ZNF717: variants seen among roughly 807,000 people sequenced by gnomAD.
ZNF717 encodes zinc finger protein 717.
In ZNF717, 9 loss-of-function variants were observed where a neutral mutation model predicts 13.8. The ratio of observed to expected loss-of-function variants is 0.65; its 90% confidence interval spans 0.39 to 1.14. The LOEUF (loss-of-function observed/expected upper bound fraction) is 1.14, where lower values mean the gene tolerates loss of function less well. Among genes scored for constraint, ZNF717 ranks in the 50% most tolerant of loss-of-function variants. ZNF717 has a pLI of 0.01. For missense variants in ZNF717, 1,040 were observed against 1,080.7 expected (o/e 0.96, Z 0.53); for synonymous variants, 327 against 364.1 (o/e 0.90, Z 1.16).
chr3:75,740,524 C>G (rs1485424439), intron 4 of ZNF717, among the ~76,000 whole-genome samples: 1 of 151,948 alleles, frequency 6.6e-6, no homozygotes, highest in South Asian at 2.1e-4. Context: ...CTCAGCCTCC[C>G]AAGTATAAAA....
At position 75,741,259 on chromosome 3, in the gene ZNF717, G is replaced by A. The variant is rs4601600; in HGVS notation, c.277+17C>T. The A allele has an allele frequency of 0.016, 13,609 of 862,014 alleles. No individual in the cohort carries two copies. The highest frequency in any genetic ancestry group is 0.032 in the Admixed American group (826 of 26,150). 53.4% of individuals were successfully genotyped at this position (862,014 alleles called of 1,614,324 possible). On this transcript the variant is annotated intron_variant, in intron 4 of 4. Coordinates refer to ENST00000652011, the MANE Select transcript of ZNF717 (RefSeq NM_001290208.3). ...ATTACTCCTCCAGGCCTCCCTGCCT[G>A]GTATTCACTGACTGACCTGAAAGTC...
At chr3:75,754,306 CA>C (rs148910973) in intron 2 of ZNF717, among the ~76,000 whole-genome samples, 24,653 of 151,828 alleles carry the variant, frequency 0.16, 1,708 homozygotes, top group African/African-American at 0.17. Context: ...GTGGGTACTT[CA>C]TGCCTGGAAT....
chr3:75,772,409 G>A (rs545105322), intron 2 of ZNF717, among the ~76,000 whole-genome samples: 1 of 152,274 alleles, frequency 6.6e-6, no homozygotes, highest in East Asian at 1.9e-4. Context: ...AAGGAGAGAA[G>A]AGCTGTGGCC....
chr3:75,704,882 C>T (rs1937772271), downstream of ZNF717, among the ~76,000 whole-genome samples: 1 of 152,308 alleles, frequency 6.6e-6, no homozygotes, highest in Non-Finnish European at 1.5e-5. Context: ...GTCTTGGAAC[C>T]TAGTATTTTT....
At position 75,737,846 on chromosome 3, in the gene ZNF717, A is replaced by G; in HGVS notation, c.1777T>C (p.Cys593Arg). 6.4e-7 allele frequency: 1 copy of G among 1,551,556 alleles called. No individual in the cohort carries two copies. The highest frequency in any genetic ancestry group is 8.7e-7 in the Non-Finnish European group (1 of 1,147,144). The change falls in exon 5 of 5, where the codon TGT (cysteine) becomes CGT (arginine). Residue 593 changes from cysteine to arginine, a missense_variant. Around this residue, in one of 3 missense-constraint regions of ZNF717, gnomAD observed 873 missense variants for 832.8 expected, o/e 1.05. Coordinates refer to ENST00000652011, the MANE Select transcript of ZNF717 (RefSeq NM_001290208.3). ...ATAAAGGTTTTCTCACATTCATTAC[A>G]TTCATAGGGTTTTTTGCCAGCATGA... Reference protein sequence around the residue: ...RTHAGKKPYECNECEKTFINK... With the variant: ...RTHAGKKPYERNECEKTFINK...
At chr3:75,715,875 T>C (rs78656142) in intron 5 of ZNF717, among the ~76,000 whole-genome samples, 4 of 152,160 alleles carry the variant, frequency 2.6e-5, no homozygotes, top group African/African-American at 9.6e-5. Flanking sequence ...TCCCAGCAAG[T>C]TAAAAATATG....
At position 75,736,856 on chromosome 3, in the gene ZNF717, C is replaced by T. The variant is rs79144452; in HGVS notation, c.*22G>A. ...GCATGGAGAAATCTGTAATAGTAGC[C>T]AGAGAGGTGTAGGTTGTGTGTTCAA... On this transcript the variant is annotated 3_prime_UTR_variant, in exon 5 of 5. Coordinates refer to ENST00000652011, the MANE Select transcript of ZNF717 (RefSeq NM_001290208.3). 4 of 1,520,754 alleles carry T rather than the reference C, an allele frequency of 2.6e-6. No individual in the cohort carries two copies. The highest frequency in any genetic ancestry group is 1.4e-5 in the African/African-American group (1 of 72,006). The allele number at this position is 1,520,754 out of a possible 1,614,324, so 94.2% of individuals were successfully genotyped here.
downstream of ZNF717, among the ~76,000 whole-genome samples, chr3:75,704,943 T>C (rs1411715006): frequency 1.3e-5 from 2 of 152,304 alleles, no homozygotes; most frequent in African/African-American, 4.8e-5. Flanking sequence ...TCATTATGAC[T>C]AGAAGTTGAA....
chr3:75,709,145 C>G (rs79854618), downstream of ZNF717, among the ~76,000 whole-genome samples: 2 of 151,840 alleles, frequency 1.3e-5, no homozygotes, highest in South Asian at 4.2e-4. Flanking sequence ...ATTACAGGCT[C>G]ATGCCACCAA....
intron 2 of ZNF717, among the ~76,000 whole-genome samples, chr3:75,743,356 T>A (rs1222493010): frequency 6.6e-6 from 1 of 152,250 alleles, no homozygotes; most frequent in African/African-American, 2.4e-5. Context: ...ATTTTCAATC[T>A]GAAGTTGGCT....
At chr3:75,706,328 T>C (rs1937801954), downstream of ZNF717, among the ~76,000 whole-genome samples, 3 of 152,398 alleles carry the variant, frequency 2.0e-5, no homozygotes, top group Admixed American at 2.0e-4. Context: ...GCTTCTGATA[T>C]CTGCAGGAAG....
intron 2 of ZNF717, among the ~76,000 whole-genome samples, chr3:75,781,265 G>A (rs1944799425): frequency 6.6e-6 from 1 of 152,262 alleles, no homozygotes; most frequent in African/African-American, 2.4e-5. Flanking sequence ...ACTGCCAAGT[G>A]TTCAAACTGT....
intron 3 of ZNF717, 42 bp downstream of exon 3, chr3:75,741,568 A>G: frequency 6.4e-7 from 1 of 1,573,114 alleles, no homozygotes; most frequent in Non-Finnish European, 8.6e-7. Context: ...ATTTACCAGC[A>G]ACAAAATACA....
At chr3:75,771,818 G>C (rs1252286626) in intron 2 of ZNF717, among the ~76,000 whole-genome samples, 1 of 152,254 alleles carries the variant, frequency 6.6e-6, no homozygotes, top group Non-Finnish European at 1.5e-5. Flanking sequence ...TGCACTCTCA[G>C]AGGCCCAGCA....
chr3:75,700,489 G>C (rs1223733216), intron 6 of ZNF717, among the ~76,000 whole-genome samples: 5 of 152,292 alleles, frequency 3.3e-5, no homozygotes, highest in Non-Finnish European at 7.3e-5. Flanking sequence ...AAGCTATGCT[G>C]AGTATATAAA....
At chr3:75,762,329 T>A (rs1943103690) in intron 2 of ZNF717, among the ~76,000 whole-genome samples, 1 of 151,302 alleles carries the variant, frequency 6.6e-6, no homozygotes, top group Middle Eastern at 3.5e-3. Flanking sequence ...TGATCCCAGC[T>A]ACTTGAGAGG....
intron 2 of ZNF717, among the ~76,000 whole-genome samples, chr3:75,762,380 G>T (rs1943108216): frequency 6.7e-6 from 1 of 149,630 alleles, no homozygotes; most frequent in African/African-American, 2.5e-5. Flanking sequence ...GGTGGAGGTT[G>T]CAGTGAGCTG....
At chr3:75,752,343 C>T (rs200605985) in intron 2 of ZNF717, among the ~76,000 whole-genome samples, 2 of 120,850 alleles carry the variant, frequency 1.7e-5, no homozygotes, top group Non-Finnish European at 3.6e-5. Context: ...CAGAACACTG[C>T]TGTTGGGGTC....
In ZNF717 at chr3:75,737,443, C is replaced by A. The variant is rs754107360; in HGVS notation, c.2180G>T (p.Gly727Val). The change falls in exon 5 of 5, where the codon GGG (glycine) becomes GTG (valine). Residue 727 changes from glycine (G) to valine (V), a missense_variant. Physicochemically the swap from Gly to Val is moderately radical, Grantham distance 109. Transcript: ENST00000652011. The part of the protein sequence containing the change: ...IFRSIKVFTR[G>V]RNPMNVANVE... ...ATTTGCTACATTCATAGGGTTTCTC[C>A]CCCGTGTGAATACCTTGATGCTTCT... is the stretch of plus-strand genomic sequence containing the variant. 8 of 1,553,400 alleles carry A rather than the reference C, an allele frequency of 5.1e-6. No individual in the cohort carries two copies. Among genetic ancestry groups the A allele is most frequent in the Non-Finnish European group, 7.0e-6 (8 of 1,149,040 alleles).
Sources: gnomAD v4.1 joint callset for allele counts (sites outside exome capture counted in the v4.1 genomes callset) on GRCh38, gnomAD v4.1.1 for gene constraint, gnomAD v4.1.1 regional missense constraint, MANE v1.5 for transcripts, NCBI Gene and HGNC (gene_info 2026-07-23, HGNC 2026-07-21) for gene names.